SNTB2: variants seen among roughly 807,000 people sequenced by gnomAD.
The protein encoded by SNTB2 is beta-2-syntrophin.
A neutral mutation model predicts 46.2 loss-of-function variants in SNTB2; 34 were observed. The ratio of observed to expected loss-of-function variants is 0.74; its 90% CI spans 0.56 to 0.98. The LOEUF (loss-of-function observed/expected upper bound fraction) is 0.98, where lower values mean the gene tolerates loss of function less well. Among genes scored for constraint, SNTB2 ranks in the 50% least tolerant of loss-of-function variants. The pLI is 0.00. For synonymous variants in SNTB2, 290 were observed against 312.6 expected, an observed-to-expected ratio of 0.93 and a Z score of 0.76; for missense variants, 603 against 731.4, an observed-to-expected ratio of 0.82 and a Z score of 2.02.
In SNTB2 at chr16:69,305,448, G is replaced by A. The variant is rs1269949331; in HGVS notation, c.*4524G>A. On this transcript the variant is annotated 3_prime_UTR_variant, in exon 7 of 7. Coordinates refer to ENST00000336278, the MANE Select transcript of SNTB2 (RefSeq NM_006750.4). ...CATACATTTCCATGTGGCTGCCATC[G>A]GCTGTTGATGCCATGAATGAAATGG... 2.6e-5 allele frequency: 4 copies of A among 152,130 alleles called. No homozygotes were observed. Among genetic ancestry groups the A allele is most frequent in the Admixed American group, 6.5e-5 (1 of 15,274 alleles). 9.4% of individuals were successfully genotyped at this position (152,130 alleles called of 1,614,324 possible).
chr16:69,216,236 A>G (rs533610744), intron 1 of SNTB2, among the ~76,000 whole-genome samples: 1 of 152,352 alleles, frequency 6.6e-6, no homozygotes, highest in Admixed American at 6.5e-5. Flanking sequence ...TCTGAAATCC[A>G]TGAAAATGTC....
intron 1 of SNTB2, among the ~76,000 whole-genome samples, chr16:69,208,745 C>T (rs546209065): frequency 6.6e-6 from 1 of 151,820 alleles, no homozygotes; most frequent in African/African-American, 2.4e-5. Flanking sequence ...CCTGTAATCC[C>T]AGCACTTTGG....
intron 5 of SNTB2, among the ~76,000 whole-genome samples, chr16:69,293,829 C>T (rs1965197734): frequency 6.6e-6 from 1 of 152,180 alleles, no homozygotes; most frequent in African/African-American, 2.4e-5. Context: ...TGGCCTTAGC[C>T]TGGAAGAGGG....
chr16:69,287,869 T>A (rs560104077), intron 5 of SNTB2, among the ~76,000 whole-genome samples: 9 of 151,438 alleles, frequency 5.9e-5, no homozygotes, highest in African/African-American at 2.2e-4. Flanking sequence ...AAAAAATATA[T>A]ATATATATAT....
intron 4 of SNTB2, among the ~76,000 whole-genome samples, chr16:69,275,174 G>A (rs1282261356): frequency 1.3e-5 from 2 of 151,420 alleles, no homozygotes; most frequent in African/African-American, 4.9e-5. Flanking sequence ...CTGGGCTCAA[G>A]CCATCCTCCC....
intron 1 of SNTB2, among the ~76,000 whole-genome samples, chr16:69,222,077 T>C (rs1177541131): frequency 1.3e-5 from 2 of 152,224 alleles, no homozygotes; most frequent in African/African-American, 4.8e-5. Context: ...CAAAAGATCT[T>C]TTCCTAGATA....
chr16:69,239,535 TTTTATTTA>T (rs555668864), intron 1 of SNTB2, among the ~76,000 whole-genome samples: 4 of 151,726 alleles, frequency 2.6e-5, no homozygotes, highest in African/African-American at 4.8e-5. Flanking sequence ...CTGAATTTAT[TTTTATTTA>T]TTTATTTATT....
In SNTB2 at chr16:69,301,028, C is replaced by A; in HGVS notation, c.*104C>A. ...CTCTTTGCTCTCCTTCAGCACAGTG[C>A]CTTCCCAAGGACCTGCAAATAACTG... On this transcript the variant is annotated 3_prime_UTR_variant, in exon 7 of 7. Coordinates refer to ENST00000336278, the MANE Select transcript of SNTB2 (RefSeq NM_006750.4). 2.9e-6 allele frequency: 2 copies of A among 696,982 alleles called. No individual in the cohort carries two copies. The highest frequency in any genetic ancestry group is 5.0e-6 in the Non-Finnish European group (2 of 402,190). 43.2% of individuals were successfully genotyped at this position (696,982 alleles called of 1,614,324 possible).
intron 2 of SNTB2, among the ~76,000 whole-genome samples, chr16:69,258,269 A>G (rs1338470345): frequency 6.6e-6 from 1 of 152,180 alleles, no homozygotes; most frequent in African/African-American, 2.4e-5. Flanking sequence ...AAAGATATAT[A>G]TGTTCACAGC....
At chr16:69,234,868 A>G (rs1426401909) in intron 1 of SNTB2, among the ~76,000 whole-genome samples, 1 of 151,940 alleles carries the variant, frequency 6.6e-6, no homozygotes, top group African/African-American at 2.4e-5. Context: ...ATGCCCAGCT[A>G]ATTTTTATAC....
intron 4 of SNTB2, among the ~76,000 whole-genome samples, chr16:69,274,424 C>T (rs947275655): frequency 1.3e-5 from 2 of 151,776 alleles, no homozygotes; most frequent in Middle Eastern, 3.4e-3. Flanking sequence ...GAGGCCACGG[C>T]GGGTGGATCA....
rs1417268509 is a variant in SNTB2 at position 69,308,460 on chromosome 16, C to T, written c.*7536C>T. 1.3e-5 allele frequency: 2 copies of T among 152,232 alleles called. No individual in the cohort carries two copies. Among genetic ancestry groups the T allele is most frequent in the Non-Finnish European group, 2.9e-5 (2 of 68,050 alleles). The allele number at this position is 152,232 out of a possible 1,614,324, so 9.4% of individuals were successfully genotyped here. A position where few individuals can be genotyped will look rare whatever the true frequency, so the allele number is the denominator to read the frequency against. On this transcript the variant is annotated 3_prime_UTR_variant, in exon 7 of 7. Coordinates refer to ENST00000336278, the MANE Select transcript of SNTB2 (RefSeq NM_006750.4). ...GAATTTTCCCTCCACTATACGACTC[C>T]AGTATTATGTTTACAATCCATTGGA...
chr16:69,280,320 T>C (rs1179731646), intron 4 of SNTB2, among the ~76,000 whole-genome samples: 2 of 152,236 alleles, frequency 1.3e-5, no homozygotes, highest in East Asian at 1.9e-4. Context: ...CTTTCCCCCC[T>C]TTCTATTCCA....
intron 4 of SNTB2, among the ~76,000 whole-genome samples, chr16:69,283,542 AAT>A (rs1276040336): frequency 1.3e-5 from 2 of 152,186 alleles, no homozygotes; most frequent in African/African-American, 4.8e-5. Flanking sequence ...TGATGCTAAA[AAT>A]ATATATATTT....
In SNTB2 at chr16:69,187,708, A is replaced by T. The variant is rs1363739906; in HGVS notation, c.542A>T (p.Gln181Leu). The change falls in exon 1 of 7, where the codon CAG (glutamine) becomes CTG (leucine). Residue 181 changes from glutamine (Q) to leucine (L), a missense_variant. Physicochemically the swap from Gln to Leu is moderately radical, Grantham distance 113. Around this residue, in one of 2 missense-constraint regions of SNTB2, gnomAD observed 537 missense variants for 692.4 expected, o/e 0.78. Coordinates refer to ENST00000336278, the MANE Select transcript of SNTB2 (RefSeq NM_006750.4). ...LRQATHDQAV[Q>L]ALKRAGKEVL... The stretch of plus-strand genomic sequence containing the variant: ...CAGGCCACCCACGACCAGGCCGTGC[A>T]GGCGCTGAAGCGCGCGGGCAAGGAG... The T allele has an allele frequency of 1.5e-6, 2 of 1,292,716 alleles. No individual in the cohort carries two copies. Among genetic ancestry groups the T allele is most frequent in the Non-Finnish European group, 2.0e-6 (2 of 1,000,478 alleles). 80.1% of individuals were successfully genotyped at this position (1,292,716 alleles called of 1,614,324 possible). A position where few individuals can be genotyped will look rare whatever the true frequency, so the allele number is the denominator to read the frequency against.
At chr16:69,237,200 TA>T (rs1964567087) in intron 1 of SNTB2, among the ~76,000 whole-genome samples, 1 of 151,794 alleles carries the variant, frequency 6.6e-6, no homozygotes, top group South Asian at 2.1e-4. Flanking sequence ...TGAGAAGTGC[TA>T]AAATCAGAGC....
intron 1 of SNTB2, chr16:69,230,431 G>A (rs370879810): frequency 6.6e-6 from 1 of 150,398 alleles, no homozygotes; most frequent in African/African-American, 2.4e-5. Context: ...GCGCAATCTC[G>A]GCTGACGATA....
chr16:69,223,191 A>ATTTT (rs548334873), intron 1 of SNTB2, among the ~76,000 whole-genome samples: 1 of 135,060 alleles, frequency 7.4e-6, no homozygotes, highest in South Asian at 2.4e-4. Context: ...AAAACTAAGA[A>ATTTT]TTTTTTTTTT....
At chr16:69,255,904 G>C (rs568223464) in intron 2 of SNTB2, among the ~76,000 whole-genome samples, 11 of 151,266 alleles carry the variant, frequency 7.3e-5, no homozygotes, top group East Asian at 3.9e-4. Context: ...TGGTTGGGGT[G>C]GGGGGCGACG....
Sources: allele counts gnomAD v4.1 joint callset (sites outside exome capture counted in the v4.1 genomes callset), GRCh38; gene constraint gnomAD v4.1.1; regional missense constraint gnomAD v4.1.1; transcripts MANE v1.5; gene names NCBI Gene and HGNC (gene_info 2026-07-23, HGNC 2026-07-21).